The following KCNC2 variants were observed in gnomAD, a reference collection of about 807,000 sequenced individuals.
KCNC2 encodes voltage-gated potassium channel KCNC2.
A neutral mutation model predicts 44.5 loss-of-function variants in KCNC2; 21 were observed. The observed-to-expected ratio is 0.47, with a 90% CI of 0.33 to 0.68. The LOEUF is 0.68. Ranked by LOEUF, KCNC2 falls within the 30% of genes least tolerant of loss-of-function variation. The pLI is 0.01. For synonymous variants in KCNC2, 391 were observed against 339.1 expected, an observed-to-expected ratio of 1.15 and a Z score of -1.68; for missense variants, 589 against 826.2, an observed-to-expected ratio of 0.71 and a Z score of 3.52.
intron 2 of KCNC2, among the ~76,000 whole-genome samples, chr12:75,070,978 T>C (rs2137033703): frequency 1.3e-5 from 2 of 151,996 alleles, no homozygotes; most frequent in South Asian, 4.1e-4. Context: ...TTATTTATCT[T>C]GCTCAGTTTT....
chr12:75,051,642 A>G (rs1193253379), intron 2 of KCNC2, among the ~76,000 whole-genome samples: 2 of 152,140 alleles, frequency 1.3e-5, no homozygotes, highest in African/African-American at 4.8e-5. Context: ...TGCAAATGAA[A>G]ACACACCAAA....
chr12:75,144,230 CACTA>C (rs1370613885), intron 2 of KCNC2, among the ~76,000 whole-genome samples: 3 of 152,126 alleles, frequency 2.0e-5, no homozygotes, highest in Non-Finnish European at 4.4e-5. Flanking sequence ...ATCCTCAGGG[CACTA>C]ACTATTCTGA....
At chr12:75,115,736 G>C (rs1480333958) in intron 2 of KCNC2, among the ~76,000 whole-genome samples, 3 of 152,002 alleles carry the variant, frequency 2.0e-5, no homozygotes, top group African/African-American at 7.2e-5. Flanking sequence ...TTCTCTACTT[G>C]TGTGATTCTT....
chr12:75,201,231 A>T (rs909436266), intron 2 of KCNC2, among the ~76,000 whole-genome samples: 1 of 142,978 alleles, frequency 7.0e-6, no homozygotes, highest in African/African-American at 2.6e-5. Flanking sequence ...CTGTAGGGAA[A>T]AAAAAGGGCA....
intron 2 of KCNC2, among the ~76,000 whole-genome samples, chr12:75,107,553 T>A (rs12425796): frequency 0.17 from 25,206 of 152,194 alleles, 2,190 homozygotes; most frequent in Middle Eastern, 0.24. Context: ...AGTCTCCTGA[T>A]ATCTTTGTTA....
chr12:75,118,110 A>G (rs993859973), intron 2 of KCNC2, among the ~76,000 whole-genome samples: 9 of 152,204 alleles, frequency 5.9e-5, no homozygotes, highest in Non-Finnish European at 1.3e-4. Context: ...AGAGCTTCAC[A>G]ACATCTCTAA....
chr12:75,062,480 A>T (rs1882443281), intron 2 of KCNC2, among the ~76,000 whole-genome samples: 1 of 152,032 alleles, frequency 6.6e-6, no homozygotes, highest in African/African-American at 2.4e-5. Context: ...TTAACATCCA[A>T]ATGCTGGTTC....
chr12:75,066,294 G>T (rs1313311165), intron 2 of KCNC2, among the ~76,000 whole-genome samples: 1 of 151,944 alleles, frequency 6.6e-6, no homozygotes, highest in Non-Finnish European at 1.5e-5. Context: ...AACACTCAAA[G>T]CTTGAGCTAT....
At chr12:75,055,668 A>G (rs1881665041) in intron 2 of KCNC2, among the ~76,000 whole-genome samples, 1 of 152,118 alleles carries the variant, frequency 6.6e-6, no homozygotes, top group Admixed American at 6.6e-5. Flanking sequence ...GAGTCTAATC[A>G]GTAGGCACAT....
At chr12:75,144,495 C>A (rs1188123403) in intron 2 of KCNC2, among the ~76,000 whole-genome samples, 1 of 152,092 alleles carries the variant, frequency 6.6e-6, no homozygotes, top group Non-Finnish European at 1.5e-5. Context: ...CTTGTAGTTC[C>A]AGCTACCTGG....
intron 2 of KCNC2, among the ~76,000 whole-genome samples, chr12:75,082,148 T>G (rs10879882): frequency 0.89 from 135,440 of 151,840 alleles, 60,462 homozygotes; most frequent in Admixed American, 0.92. Context: ...TGACAACTTT[T>G]AGAAGTGCTA....
chr12:75,186,211 G>A (rs574251804), intron 2 of KCNC2, among the ~76,000 whole-genome samples: 170 of 151,844 alleles, frequency 1.1e-3, no homozygotes, highest in African/African-American at 3.5e-3. Flanking sequence ...TCTCTGAGGC[G>A]CCTTCTTGGA....
At chr12:75,136,883 G>A (rs890775605) in intron 2 of KCNC2, among the ~76,000 whole-genome samples, 32 of 152,076 alleles carry the variant, frequency 2.1e-4, no homozygotes, top group African/African-American at 7.2e-4. Flanking sequence ...AGTCCCTCCC[G>A]TTCTTTAAAA....
Position 75,051,333 on chromosome 12 carries a change from A to G in KCNC2, c.688-16T>C. 7.0e-7 allele frequency: 1 copy of G among 1,437,702 alleles called. No homozygotes were observed. The highest frequency in any genetic ancestry group is 9.5e-7 in the Non-Finnish European group (1 of 1,054,240). 89.1% of individuals were successfully genotyped at this position (1,437,702 alleles called of 1,614,324 possible). A position where few individuals can be genotyped will look rare whatever the true frequency, so the allele number is the denominator to read the frequency against. ...AAGCAATAAACTGTAGAGGAAAAAG[A>G]AATAAAAAAACCCATAGTGATCTGA... On this transcript the variant is annotated splice_polypyrimidine_tract_variant and intron_variant, in intron 2 of 4. Transcript: ENST00000549446.
At chr12:75,151,970 C>A (rs1266668314) in intron 2 of KCNC2, among the ~76,000 whole-genome samples, 6 of 144,434 alleles carry the variant, frequency 4.2e-5, no homozygotes, top group Non-Finnish European at 7.6e-5. Flanking sequence ...ATATATTATA[C>A]ATTTATATAT....
chr12:75,069,266 C>G (rs1883156618), intron 2 of KCNC2, among the ~76,000 whole-genome samples: 1 of 150,394 alleles, frequency 6.6e-6, no homozygotes, highest in Non-Finnish European at 1.5e-5. Context: ...TCCCAAGTAG[C>G]TGGGATTACA....
At chr12:75,205,887 G>A (rs1178108157) in intron 2 of KCNC2, among the ~76,000 whole-genome samples, 1 of 142,156 alleles carries the variant, frequency 7.0e-6, no homozygotes, top group Non-Finnish European at 1.5e-5. Flanking sequence ...TGAATTTATG[G>A]CATGGCCTGA....
intron 2 of KCNC2, among the ~76,000 whole-genome samples, chr12:75,090,840 C>A (rs1301791664): frequency 1.3e-5 from 2 of 151,624 alleles, no homozygotes; most frequent in Admixed American, 1.3e-4. Flanking sequence ...TGTCTAACTG[C>A]ATTCTCAAAG....
intron 2 of KCNC2, among the ~76,000 whole-genome samples, chr12:75,117,790 T>C (rs1454878388): frequency 6.6e-6 from 1 of 152,126 alleles, no homozygotes; most frequent in Non-Finnish European, 1.5e-5. Flanking sequence ...TAATGCCTTC[T>C]TCATCTGTTT....
Sources: allele counts gnomAD v4.1 joint callset (sites outside exome capture counted in the v4.1 genomes callset), GRCh38; gene constraint gnomAD v4.1.1; transcripts MANE v1.5; gene names NCBI Gene and HGNC (gene_info 2026-07-23, HGNC 2026-07-21).